Variants in INSL6 observed in about 807,000 individuals in gnomAD.
INSL6 encodes insulin-like peptide INSL6.
Under a neutral mutation model 9.4 loss-of-function variants are expected in INSL6, and 16 were observed. The observed-to-expected ratio is 1.70, with a 90% CI of 1.15 to 2.59. INSL6 has a LOEUF of 2.59. INSL6 is among the 30% of genes most tolerant of loss of function. The pLI, the probability that INSL6 is intolerant of heterozygous loss-of-function variation, is 0.00. For missense variants in INSL6, 391 were observed against 257.3 expected, an observed-to-expected ratio of 1.52 and a Z score of -3.56; for synonymous variants, 154 against 96.9, an observed-to-expected ratio of 1.59 and a Z score of -3.46.
the INSL6 span, chr9:5,085,111 G>A: frequency 1.5e-6 from 1 of 655,262 alleles, no homozygotes; most frequent in Non-Finnish European, 2.9e-6. Flanking sequence ...GGCAAGGTAG[G>A]TTGTTTGTTT....
At chr9:5,075,398 C>G in the INSL6 span, among the ~76,000 whole-genome samples, 1 of 152,194 alleles carries the variant, frequency 6.6e-6, no homozygotes, top group Admixed American at 6.5e-5. Context: ...CTTCGAAGGA[C>G]AGGCTGACCC....
intron 2 of INSL6, among the ~76,000 whole-genome samples, chr9:5,158,411 G>T (rs1380262476): frequency 6.6e-6 from 1 of 152,132 alleles, no homozygotes; most frequent in Non-Finnish European, 1.5e-5. Context: ...AAAGAAGACT[G>T]CCTCATGGTA....
chr9:5,148,053 C>G (rs540295372), intron 2 of INSL6, among the ~76,000 whole-genome samples: 1 of 152,178 alleles, frequency 6.6e-6, no homozygotes, highest in South Asian at 2.1e-4. Context: ...ACAATTCAGA[C>G]TGGTTAAGAA....
At chr9:5,001,522 G>T in the INSL6 span, among the ~76,000 whole-genome samples, 1 of 152,012 alleles carries the variant, frequency 6.6e-6, no homozygotes, top group Non-Finnish European at 1.5e-5. Flanking sequence ...CAACCAGTAT[G>T]ACTGGAATAA....
At chr9:5,163,162 C>T (rs184400409), downstream of INSL6, among the ~76,000 whole-genome samples, 1 of 152,274 alleles carries the variant, frequency 6.6e-6, no homozygotes, top group African/African-American at 2.4e-5. Context: ...CCTACAGTTT[C>T]TGATTCAGTA....
chr9:5,013,564 T>G, the INSL6 span, among the ~76,000 whole-genome samples: 3 of 152,242 alleles, frequency 2.0e-5, no homozygotes, highest in Non-Finnish European at 4.4e-5. Context: ...TTGTCTCTAC[T>G]TTGTTCCAGG....
the INSL6 span, among the ~76,000 whole-genome samples, chr9:5,105,200 C>G: frequency 6.6e-6 from 1 of 152,224 alleles, no homozygotes; most frequent in Non-Finnish European, 1.5e-5. Flanking sequence ...TGGTAAGCAA[C>G]TTCAGCAAAG....
the INSL6 span, among the ~76,000 whole-genome samples, chr9:5,101,304 C>T: frequency 2.0e-5 from 3 of 152,220 alleles, no homozygotes; most frequent in Admixed American, 6.5e-5. Context: ...AAGATCCACC[C>T]GTGAGGCAGC....
At chr9:5,031,450 C>G in the INSL6 span, among the ~76,000 whole-genome samples, 2 of 152,202 alleles carry the variant, frequency 1.3e-5, no homozygotes, top group South Asian at 2.1e-4. Context: ...ATGAAGAAAT[C>G]TTTTCATATT....
chr9:5,109,845 G>C, the INSL6 span: 1 of 152,088 alleles, frequency 6.6e-6, no homozygotes, highest in Admixed American at 6.5e-5. Context: ...CCTCATCACA[G>C]TATTCTTCCA....
At chr9:5,156,513 T>G (rs575140881) in intron 2 of INSL6, among the ~76,000 whole-genome samples, 2 of 152,086 alleles carry the variant, frequency 1.3e-5, no homozygotes, top group Non-Finnish European at 2.9e-5. Context: ...AGAAAAAGCA[T>G]TGGACAACAT....
At chr9:5,136,511 G>A (rs986283998) in intron 2 of INSL6, among the ~76,000 whole-genome samples, 6 of 152,076 alleles carry the variant, frequency 3.9e-5, no homozygotes, top group African/African-American at 1.4e-4. Flanking sequence ...CAGAAACAAT[G>A]AGAAAAACAA....
chr9:5,078,549 C>A, the INSL6 span: 9 of 784,648 alleles, frequency 1.1e-5, no homozygotes, highest in East Asian at 2.6e-5. Flanking sequence ...TTTGTATGTT[C>A]CTGATTAATA....
At chr9:5,038,232 T>C in the INSL6 span, among the ~76,000 whole-genome samples, 1,357 of 152,288 alleles carry the variant, frequency 8.9e-3, 17 homozygotes, top group African/African-American at 0.03. Flanking sequence ...ACACAAGTTA[T>C]AGGAACTGCT....
chr9:5,154,025 T>A (rs1202471929), intron 2 of INSL6, among the ~76,000 whole-genome samples: 5 of 152,066 alleles, frequency 3.3e-5, no homozygotes, highest in African/African-American at 1.2e-4. Context: ...GACAATCCTA[T>A]GCACAAAGAA....
At chr9:5,099,710 C>G in the INSL6 span, 4 of 152,172 alleles carry the variant, frequency 2.6e-5, no homozygotes, top group Non-Finnish European at 4.4e-5. Flanking sequence ...TTAATCCAAC[C>G]TGCACTAAAA....
the INSL6 span, chr9:5,064,745 A>G: frequency 2.0e-6 from 1 of 511,592 alleles, no homozygotes; most frequent in Non-Finnish European, 3.3e-6. Context: ...TTTGTAATTC[A>G]TATTGAGTAC....
At chr9:5,028,034 TGAC>T in the INSL6 span, among the ~76,000 whole-genome samples, 8 of 152,238 alleles carry the variant, frequency 5.3e-5, no homozygotes, top group African/African-American at 1.9e-4. Context: ...ATGTTTTTCA[TGAC>T]GTCTAGAATG....
downstream of INSL6, among the ~76,000 whole-genome samples, chr9:5,159,317 G>A (rs983615147): frequency 2.0e-5 from 3 of 150,818 alleles, no homozygotes; most frequent in East Asian, 1.9e-4. Context: ...GAATGTGAGG[G>A]GACTAAACTC....
Sources: gnomAD v4.1 joint callset for allele counts (sites outside exome capture counted in the v4.1 genomes callset) on GRCh38, gnomAD v4.1.1 for gene constraint, MANE v1.5 for transcripts, NCBI Gene and HGNC (gene_info 2026-07-23, HGNC 2026-07-21) for gene names.